The following DNAJC18 variants were observed in gnomAD, a reference collection of about 807,000 sequenced individuals.
The protein encoded by DNAJC18 is dnaJ homolog subfamily C member 18.
Under a neutral mutation model 48.6 loss-of-function variants are expected in DNAJC18, and 40 were observed. The ratio of observed to expected loss-of-function variants is 0.82; its 90% confidence interval spans 0.64 to 1.07. The LOEUF is 1.07. Ranked by LOEUF, DNAJC18 falls within the 50% of genes least tolerant of loss-of-function variation. DNAJC18 has a pLI of 0.00. For synonymous variants in DNAJC18, 135 were observed against 152.2 expected (o/e 0.89, Z 0.83); for missense variants, 340 against 427.7 (o/e 0.79, Z 1.81).
chr5:139,426,255 G>A lies in DNAJC18; in HGVS notation c.476C>T (p.Pro159Leu), dbSNP rs2152084015. Residue 159 changes from proline to leucine, a missense_variant, in exon 4 of 8, where the codon CCT becomes CTT. Pro to Leu is a moderately conservative substitution (Grantham distance 98). Coordinates refer to ENST00000302060, the MANE Select transcript of DNAJC18 (RefSeq NM_152686.4). Reference protein sequence around the residue: ...QVTFTAPRARPYNYYRDFEAD... With the variant: ...QVTFTAPRARLYNYYRDFEAD... The stretch of plus-strand genomic sequence containing the variant: ...TTCAAAATCCCTGTAATAATTATAA[G>A]GTCTGGCTCGAGGGGCAGTGAAAGT... 1 of 1,614,182 alleles carries A rather than the reference G, an allele frequency of 6.2e-7. No homozygotes were observed. The highest frequency in any genetic ancestry group is 1.7e-5 in the Admixed American group (1 of 60,022).
At chr5:139,425,179 T>C (rs1281514892) in intron 4 of DNAJC18, 65 bp from the exon 5 acceptor site, 16 of 1,428,998 alleles carry the variant, frequency 1.1e-5, no homozygotes, top group East Asian at 7.2e-5. Flanking sequence ...TCTTTTTTTT[T>C]TGGAGATGGA....
chr5:139,424,718 A>C (rs1272069731), intron 5 of DNAJC18, among the ~76,000 whole-genome samples: 4 of 38,978 alleles, frequency 1.0e-4, no homozygotes, highest in East Asian at 5.4e-4. Flanking sequence ...ACCCTCTCTC[A>C]AAAAAAAAAA....
At chr5:139,420,913 A>C (rs1308392950) in intron 6 of DNAJC18, among the ~76,000 whole-genome samples, 3 of 152,194 alleles carry the variant, frequency 2.0e-5, no homozygotes, top group Non-Finnish European at 4.4e-5. Context: ...CAAACTGGAC[A>C]AATTCTACAT....
intron 5 of DNAJC18, among the ~76,000 whole-genome samples, chr5:139,423,764 A>T (rs79520343): frequency 6.6e-6 from 1 of 152,122 alleles, no homozygotes; most frequent in African/African-American, 2.4e-5. Context: ...AAAAAAAAAA[A>T]ATCTGAAATC....
intron 7 of DNAJC18, among the ~76,000 whole-genome samples, chr5:139,417,801 G>C (rs1390038163): frequency 6.6e-6 from 1 of 151,910 alleles, no homozygotes; most frequent in Non-Finnish European, 1.5e-5. Context: ...CTCGAACTCC[G>C]GACCTCAGGT....
At chr5:139,428,853 C>T (rs1759284349) in intron 2 of DNAJC18, among the ~76,000 whole-genome samples, 170 bp from the exon 3 acceptor site, 1 of 152,106 alleles carries the variant, frequency 6.6e-6, no homozygotes, top group Non-Finnish European at 1.5e-5. Flanking sequence ...CCTTCTCCCA[C>T]CCAGAACTTA....
In DNAJC18 at chr5:139,437,426, C is replaced by T. The variant is rs745563817; in HGVS notation, c.173G>A (p.Arg58Gln). The T allele has an allele frequency of 9.9e-6, 16 of 1,613,922 alleles. No individual in the cohort carries two copies. The highest frequency in any genetic ancestry group is 7.7e-5 in the South Asian group (7 of 91,060). ...KKSENEWTQT[R>Q]QGEGNSTYSE... ...ATACGTGGAGTTCCCCTCACCCTGC[C>T]GGGTCTGAGTCCACTCATTCTCAGA... The change falls in exon 2 of 8, where the codon CGG (arginine) becomes CAG (glutamine). Residue 58 changes from arginine (R) to glutamine (Q), a missense_variant. By Grantham distance (43) the Arg-to-Gln change is conservative. Coordinates refer to ENST00000302060, the MANE Select transcript of DNAJC18 (RefSeq NM_152686.4).
chr5:139,428,292 G>A (rs1759274463), intron 3 of DNAJC18, among the ~76,000 whole-genome samples: 1 of 152,152 alleles, frequency 6.6e-6, no homozygotes, highest in Non-Finnish European at 1.5e-5. Context: ...AGCTACTCAG[G>A]AGGCTGAGGT....
chr5:139,411,592 A>G lies in DNAJC18; in HGVS notation c.*2556T>C, dbSNP rs143265298. The G allele has an allele frequency of 1.3e-5, 2 of 152,366 alleles. No homozygotes were observed. The highest frequency in any genetic ancestry group is 4.8e-5 in the African/African-American group (2 of 41,584). The allele number at this position is 152,366 out of a possible 1,614,324, so 9.4% of individuals were successfully genotyped here. On this transcript the variant is annotated 3_prime_UTR_variant, in exon 8 of 8. Transcript: ENST00000302060. ...TTCACAATATTCTGGATAGTATCAA[A>G]TAGATAAATCCTTCAACCAAAAGCA...
intron 4 of DNAJC18, among the ~76,000 whole-genome samples, chr5:139,425,888 A>G (rs1475711397): frequency 6.6e-6 from 1 of 152,184 alleles, no homozygotes; most frequent in African/African-American, 2.4e-5. Context: ...ACTTATTTAT[A>G]AGGCACTTAA....
chr5:139,430,695 G>A lies in DNAJC18; in HGVS notation c.228-2012C>T, dbSNP rs930132260. On this transcript the variant is annotated intron_variant, in intron 2 of 7. Transcript: ENST00000302060. Reference sequence around the variant, plus strand: ...AGTGATTCTCCTGCCTCAGCCTCCCGAGTAGCTGTGACTACAGGCTTGCAT... The same window carrying A: ...AGTGATTCTCCTGCCTCAGCCTCCCAAGTAGCTGTGACTACAGGCTTGCAT... Among the ~76,000 whole-genome samples, 3 of 150,460 alleles carry A rather than the reference G, an allele frequency of 2.0e-5. No individual in the cohort carries two copies. In the Admixed American group the frequency reaches 2.0e-4, roughly 10 times the overall value.
At chr5:139,434,909 G>A (rs1023047393) in intron 2 of DNAJC18, among the ~76,000 whole-genome samples, 2 of 152,054 alleles carry the variant, frequency 1.3e-5, no homozygotes, top group African/African-American at 4.8e-5. Flanking sequence ...TGAACAGAGT[G>A]GCAAGAGTGA....
rs1373608543 is a variant in DNAJC18, at chr5:139,414,042, A to ATAG, written c.*103_*105dup. On this transcript the variant is annotated 3_prime_UTR_variant, in exon 8 of 8. Coordinates refer to ENST00000302060, the MANE Select transcript of DNAJC18 (RefSeq NM_152686.4). ...TCTGCCCAACCAACGAAGTTAGCAA[A>ATAG]TAGTAAAGTGTTCATCATTACCTAG... 6.1e-6 allele frequency: 9 copies of ATAG among 1,475,050 alleles called. No homozygotes were observed. The highest frequency in any genetic ancestry group is 7.2e-6 in the Non-Finnish European group (8 of 1,108,190). 91.4% of individuals were successfully genotyped at this position (1,475,050 alleles called of 1,614,324 possible). A position where few individuals can be genotyped will look rare whatever the true frequency, so the allele number is the denominator to read the frequency against.
chr5:139,416,996 T>C (rs1759078450), intron 7 of DNAJC18, among the ~76,000 whole-genome samples: 1 of 152,168 alleles, frequency 6.6e-6, no homozygotes, highest in Non-Finnish European at 1.5e-5. Flanking sequence ...GAGACCAGCC[T>C]GACCAACATC....
intron 2 of DNAJC18, 39 bp from the exon 3 acceptor site, chr5:139,428,722 C>T: frequency 1.9e-6 from 3 of 1,573,002 alleles, no homozygotes; most frequent in Non-Finnish European, 2.6e-6. Flanking sequence ...ATAAAGGTCC[C>T]TTTTGTACAA....
intron 2 of DNAJC18, 70 bp downstream of exon 2, chr5:139,437,302 C>T (rs765565538): frequency 3.6e-5 from 54 of 1,496,558 alleles, no homozygotes; most frequent in Non-Finnish European, 4.6e-5. Context: ...TCAATACTTA[C>T]ATAGCACATC....
At chr5:139,415,173 T>A (rs1759053800) in intron 7 of DNAJC18, among the ~76,000 whole-genome samples, 1 of 152,174 alleles carries the variant, frequency 6.6e-6, no homozygotes, top group South Asian at 2.1e-4. Flanking sequence ...CTATTTTAAT[T>A]GTTTTGAAAT....
chr5:139,422,649 C>G, intron 6 of DNAJC18, 59 bp downstream of exon 6: 2 of 1,282,428 alleles, frequency 1.6e-6, no homozygotes, highest in Non-Finnish European at 2.2e-6. Flanking sequence ...ATCAGCAAAA[C>G]CTTCAAGTCT....
At position 139,414,012 on chromosome 5, in the gene DNAJC18, G is replaced by T; in HGVS notation, c.*136C>A. 7.5e-7 allele frequency: 1 copy of T among 1,325,462 alleles called. No homozygotes were observed. The highest frequency in any genetic ancestry group is 1.0e-6 in the Non-Finnish European group (1 of 991,542). The allele number at this position is 1,325,462 out of a possible 1,614,324, so 82.1% of individuals were successfully genotyped here. ...ATCTGGCTCTCGTGCCCATGCTCCTGCCACTCTGCCCAACCAACGAAGTTA... is the reference window on the plus strand; with the variant it reads ...ATCTGGCTCTCGTGCCCATGCTCCTTCCACTCTGCCCAACCAACGAAGTTA... On this transcript the variant is annotated 3_prime_UTR_variant, in exon 8 of 8. Coordinates refer to ENST00000302060, the MANE Select transcript of DNAJC18 (RefSeq NM_152686.4).
Sources: gnomAD v4.1 joint callset for allele counts (sites outside exome capture counted in the v4.1 genomes callset) on GRCh38, gnomAD v4.1.1 for gene constraint, MANE v1.5 for transcripts, NCBI Gene and HGNC (gene_info 2026-07-23, HGNC 2026-07-21) for gene names.